Variants in SAMD8 observed in about 807,000 individuals in gnomAD.
SAMD8 encodes the protein sterile alpha motif domain containing 8, also known as sphingomyelin synthase-related protein 1.
A neutral mutation model predicts 42.0 loss-of-function variants in SAMD8; 20 were observed. That is an observed-to-expected ratio of 0.48 (90% CI 0.34 to 0.69). The LOEUF (loss-of-function observed/expected upper bound fraction) is 0.69. Ranked by LOEUF, SAMD8 falls within the 30% of genes least tolerant of loss-of-function variation. The pLI is 0.01. For synonymous variants in SAMD8, 162 were observed against 173.0 expected (o/e 0.94, Z 0.50); for missense variants, 328 against 511.6 (o/e 0.64, Z 3.46).
intron 1 of SAMD8, among the ~76,000 whole-genome samples, chr10:75,116,875 T>C (rs1848894242): frequency 6.6e-6 from 1 of 152,062 alleles, no homozygotes; most frequent in South Asian, 2.1e-4. Context: ...AGTGGCGTGA[T>C]GTCAGTTCAT....
chr10:75,168,792 G>A (rs761185445), intron 4 of SAMD8, 134 bp downstream of exon 4: 6 of 603,780 alleles, frequency 9.9e-6, no homozygotes, highest in Admixed American at 2.9e-5. Flanking sequence ...AAAAACTATA[G>A]AAATAATTTG....
intron 3 of SAMD8, among the ~76,000 whole-genome samples, chr10:75,165,453 G>A (rs1007512455): frequency 2.6e-5 from 4 of 151,624 alleles, no homozygotes; most frequent in East Asian, 1.9e-4. Context: ...GGCGGATCAC[G>A]AGGTCAGGAG....
intron 1 of SAMD8, among the ~76,000 whole-genome samples, chr10:75,128,420 C>T (rs905096860): frequency 5.9e-5 from 9 of 151,984 alleles, no homozygotes; most frequent in African/African-American, 2.2e-4. Flanking sequence ...ATATGTTGCC[C>T]AGGCTGGTCT....
chr10:75,112,312 G>C (rs537063744), intron 1 of SAMD8, among the ~76,000 whole-genome samples: 1 of 152,338 alleles, frequency 6.6e-6, no homozygotes, highest in South Asian at 2.1e-4. Flanking sequence ...GGCCTCAAGG[G>C]GTGAGGGAGG....
At chr10:75,109,224 T>G, upstream of SAMD8, 1 of 1,453,680 alleles carries the variant, frequency 6.9e-7, no homozygotes, top group Non-Finnish European at 9.1e-7. Context: ...TCATTTCTCC[T>G]TCCCAGAGAT....
At chr10:75,114,036 T>A (rs962936721) in intron 1 of SAMD8, among the ~76,000 whole-genome samples, 1 of 152,172 alleles carries the variant, frequency 6.6e-6, no homozygotes, top group Non-Finnish European at 1.5e-5. Context: ...ACCCATTGAA[T>A]AAAGAAAATC....
In SAMD8 at chr10:75,105,947, T is replaced by C. The variant is rs536849033; in HGVS notation, c.-16+6219T>C. On this transcript the variant is annotated intron_variant, in intron 1 of 3. Transcript: ENST00000447533. ...GGCTGGGATGGGGACCCAAGTTCCT[T>C]TCCTGACCCTGCCTTGGGTGCACTC... is the stretch of plus-strand genomic sequence containing the variant. 2.1e-4 allele frequency: 288 copies of C among 1,352,550 alleles called. 2 individuals are homozygous for C. The South Asian group carries it at 3.8e-3, about 18-fold the overall frequency. The allele number at this position is 1,352,550 out of a possible 1,614,324, so 83.8% of individuals were successfully genotyped here. A position where few individuals can be genotyped will look rare whatever the true frequency, so the allele number is the denominator to read the frequency against.
At chr10:75,174,144 C>T (rs1327272626) in intron 4 of SAMD8, among the ~76,000 whole-genome samples, 28 of 151,998 alleles carry the variant, frequency 1.8e-4, no homozygotes, top group Non-Finnish European at 2.9e-5. Context: ...GACGGAGTCT[C>T]GCTCTGTCGC....
At chr10:75,142,841 A>T (rs1484033933) in intron 1 of SAMD8, among the ~76,000 whole-genome samples, 1 of 151,736 alleles carries the variant, frequency 6.6e-6, no homozygotes, top group African/African-American at 2.4e-5. Flanking sequence ...AACCAAACAA[A>T]ACATCAATAC....
rs1285981670 is a variant in SAMD8 at position 75,178,982 on chromosome 10, TC to T, written c.*2291del. 1.3e-5 allele frequency: 2 copies of T among 152,318 alleles called. No individual in the cohort carries two copies. Among genetic ancestry groups the T allele is most frequent in the African/African-American group, 4.8e-5 (2 of 41,424 alleles). The allele number at this position is 152,318 out of a possible 1,614,324, so 9.4% of individuals were successfully genotyped here. A position where few individuals can be genotyped will look rare whatever the true frequency, so the allele number is the denominator to read the frequency against. ...AGGTGGAGTTTGCATTGAGCTGAGA[TC>T]ACTCCACTGCACTCCAGCCTAGGTG... On this transcript the variant is annotated 3_prime_UTR_variant, in exon 6 of 6. Coordinates refer to ENST00000542569, the MANE Select transcript of SAMD8 (RefSeq NM_001174156.2).
intron 1 of SAMD8, among the ~76,000 whole-genome samples, chr10:75,126,667 A>ATT (rs1239460593): frequency 2.8e-5 from 4 of 143,472 alleles, no homozygotes; most frequent in East Asian, 2.0e-4. Context: ...ACGCTGGCTA[A>ATT]TTTTTTTTTT....
At chr10:75,173,067 C>G (rs933385016) in intron 4 of SAMD8, among the ~76,000 whole-genome samples, 9 of 152,148 alleles carry the variant, frequency 5.9e-5, no homozygotes, top group Non-Finnish European at 1.0e-4. Context: ...ACATATGCTG[C>G]AAAAATAAAT....
At chr10:75,104,025 C>T (rs990598766) in intron 1 of SAMD8, 2 of 1,362,032 alleles carry the variant, frequency 1.5e-6, no homozygotes, top group South Asian at 2.3e-5. Flanking sequence ...GCCAGAGCCT[C>T]CAGCAGCACC....
chr10:75,163,494 T>C (rs12776981), intron 2 of SAMD8, among the ~76,000 whole-genome samples: 1 of 151,754 alleles, frequency 6.6e-6, no homozygotes, highest in African/African-American at 2.4e-5. Context: ...GAGGCAGTGA[T>C]GAAACCTCGG....
intron 2 of SAMD8, among the ~76,000 whole-genome samples, chr10:75,151,681 C>T (rs1394392499): frequency 6.6e-6 from 1 of 150,804 alleles, no homozygotes; most frequent in Non-Finnish European, 1.5e-5. Flanking sequence ...GTAGTTATAG[C>T]TCCTTGGGTA....
intron 1 of SAMD8, among the ~76,000 whole-genome samples, chr10:75,121,073 G>A (rs1174947891): frequency 2.0e-5 from 3 of 151,866 alleles, no homozygotes; most frequent in Non-Finnish European, 2.9e-5. Flanking sequence ...CACCACACCC[G>A]GACTTTTGAG....
At chr10:75,141,966 T>A (rs964280951) in intron 1 of SAMD8, among the ~76,000 whole-genome samples, 5 of 151,906 alleles carry the variant, frequency 3.3e-5, no homozygotes, top group African/African-American at 9.7e-5. Flanking sequence ...TTTAAAAAAA[T>A]TTTATTTTTA....
At chr10:75,131,932 T>C (rs1849282866) in intron 1 of SAMD8, among the ~76,000 whole-genome samples, 2 of 152,244 alleles carry the variant, frequency 1.3e-5, no homozygotes, top group South Asian at 4.1e-4. Flanking sequence ...TTTCTGTCTC[T>C]TCTGAGATTC....
rs763844145 is a variant in SAMD8 at position 75,150,588 on chromosome 10, G to T, written c.60G>T (p.Trp20Cys). Residue 20 changes from tryptophan (W) to cysteine (C), a missense_variant, in exon 2 of 6, where the codon TGG (tryptophan) becomes TGT (cysteine). Coordinates refer to ENST00000542569, the MANE Select transcript of SAMD8 (RefSeq NM_001174156.2). ...RRWTTKHVAV[W>C]LKDEGFFEYV... Reference sequence around the variant, plus strand: ...GGACTACCAAGCATGTAGCTGTGTGGCTGAAGGATGAAGGCTTTTTTGAAT... The same window carrying T: ...GGACTACCAAGCATGTAGCTGTGTGTCTGAAGGATGAAGGCTTTTTTGAAT... 1 of 1,614,132 alleles carries T rather than the reference G, an allele frequency of 6.2e-7. No individual in the cohort carries two copies. The highest frequency in any genetic ancestry group is 2.2e-5 in the East Asian group (1 of 44,888).
Sources: gnomAD v4.1 joint callset for allele counts (sites outside exome capture counted in the v4.1 genomes callset) on GRCh38, gnomAD v4.1.1 for gene constraint, MANE v1.5 for transcripts, NCBI Gene and HGNC (gene_info 2026-07-23, HGNC 2026-07-21) for gene names.